ANKFN1: variants seen among roughly 807,000 people sequenced by gnomAD.
The protein encoded by ANKFN1 is ankyrin repeat and fibronectin type-III domain-containing protein 1.
ANKFN1 carries 74 observed loss-of-function variants against 108.7 expected under a neutral mutation model. That is an observed-to-expected ratio of 0.68 (90% CI 0.56 to 0.83). The LOEUF (loss-of-function observed/expected upper bound fraction) is 0.83. ANKFN1 is among the 40% of genes least tolerant of loss of function. The pLI is 0.00. For missense variants in ANKFN1, 1,505 were observed against 1,382.3 expected (o/e 1.09, Z -1.41); for synonymous variants, 547 against 516.2 (o/e 1.06, Z -0.81).
chr17:56,152,260 ATATGTGTGTGTG>A (rs1225949303), upstream of ANKFN1, among the ~76,000 whole-genome samples: 1,324 of 128,638 alleles, frequency 0.01, 9 homozygotes, highest in South Asian at 0.015. Flanking sequence ...ATATATATAT[ATATGTGTGTGTG>A]TGTGTGTGTG....
intron 3 of ANKFN1, among the ~76,000 whole-genome samples, chr17:56,301,519 T>G (rs576913961): frequency 6.6e-6 from 1 of 152,338 alleles, no homozygotes; most frequent in South Asian, 2.1e-4. Context: ...AGGCTTTCTC[T>G]GCCCCAGGGG....
chr17:56,144,147 G>A (rs1468151885), intron 4 of ANKFN1, among the ~76,000 whole-genome samples: 1 of 122,052 alleles, frequency 8.2e-6, no homozygotes, highest in African/African-American at 3.5e-5. Flanking sequence ...CACAAACAGA[G>A]GCGCATCTGA....
chr17:56,387,434 AT>A (rs1361477476), intron 8 of ANKFN1, among the ~76,000 whole-genome samples: 3 of 152,186 alleles, frequency 2.0e-5, no homozygotes, highest in African/African-American at 7.2e-5. Context: ...ATCACTTTAA[AT>A]TTCCAAGTGG....
chr17:56,122,485 G>C (rs1036645955), intron 4 of ANKFN1, among the ~76,000 whole-genome samples: 3 of 152,126 alleles, frequency 2.0e-5, no homozygotes, highest in Non-Finnish European at 4.4e-5. Flanking sequence ...TAGAAGCATA[G>C]TATGTATACA....
Position 56,511,091 on chromosome 17 carries a change from G to A in ANKFN1, c.3263G>A (p.Arg1088His), listed in dbSNP as rs1478690834. The A allele has an allele frequency of 6.5e-6, 10 of 1,535,972 alleles. No individual in the cohort carries two copies. Among genetic ancestry groups the A allele is most frequent in the Non-Finnish European group, 8.7e-6 (10 of 1,146,848 alleles). The stretch of plus-strand genomic sequence containing the variant: ...CTCCAGGACGCGAGGCCTTCCGTCC[G>A]CCGCCTCTACGTGGAGCCCTACGCA... ...SSLQDARPSVRRLYVEPYAAA... is the reference protein window; with the variant it reads ...SSLQDARPSVHRLYVEPYAAA... The change falls in exon 21 of 21, where the codon CGC becomes CAC. Residue 1088 changes from arginine to histidine, a missense_variant. Arg to His is a conservative substitution (Grantham distance 29). Coordinates refer to ENST00000682825, the MANE Select transcript of ANKFN1 (RefSeq NM_001370326.1).
chr17:56,055,574 T>TATATATATATATATATATACACACAC (rs1904858136), intron 4 of ANKFN1, among the ~76,000 whole-genome samples: 1 of 105,430 alleles, frequency 9.5e-6, no homozygotes, highest in African/African-American at 5.2e-5. Flanking sequence ...TACATATATA[T>TATATATATATATATATATACACACAC]ATATATATAT....
chr17:56,272,385 A>T (rs551571949), intron 3 of ANKFN1, among the ~76,000 whole-genome samples: 4 of 152,188 alleles, frequency 2.6e-5, no homozygotes, highest in Admixed American at 2.0e-4. Flanking sequence ...GGAATCTCAT[A>T]TAAGTGGAAT....
intron 3 of ANKFN1, among the ~76,000 whole-genome samples, chr17:56,289,677 T>C (rs2044308349): frequency 6.6e-6 from 1 of 152,224 alleles, no homozygotes; most frequent in African/African-American, 2.4e-5. Context: ...CCTCCTCCCT[T>C]CGGGATTGCT....
intron 1 of ANKFN1, among the ~76,000 whole-genome samples, chr17:56,170,807 T>TATATATACATAC (rs1361307404): frequency 3.3e-5 from 2 of 61,450 alleles, no homozygotes; most frequent in African/African-American, 7.0e-5. Context: ...TATATATATA[T>TATATATACATAC]ACACACACAC....
At chr17:56,359,715 C>A (rs1340920295) in intron 6 of ANKFN1, among the ~76,000 whole-genome samples, 2 of 152,086 alleles carry the variant, frequency 1.3e-5, no homozygotes, top group Non-Finnish European at 2.9e-5. Context: ...GTAAGGGGTT[C>A]GTGTTTGTGC....
chr17:56,321,318 C>T (rs944885823), intron 3 of ANKFN1, among the ~76,000 whole-genome samples: 4 of 151,790 alleles, frequency 2.6e-5, no homozygotes, highest in African/African-American at 9.7e-5. Flanking sequence ...GAATCGGAGC[C>T]GTTATTGAGC....
At chr17:56,118,923 T>C (rs774035536) in intron 4 of ANKFN1, among the ~76,000 whole-genome samples, 3 of 152,124 alleles carry the variant, frequency 2.0e-5, no homozygotes, top group Non-Finnish European at 4.4e-5. Context: ...TAACTTGATA[T>C]AGAAAGTGAT....
At chr17:56,194,047 G>C (rs1350945522) in intron 1 of ANKFN1, among the ~76,000 whole-genome samples, 2 of 152,156 alleles carry the variant, frequency 1.3e-5, no homozygotes, top group Admixed American at 6.6e-5. Context: ...TTTGTCACTA[G>C]GGAACGAAAA....
intron 20 of ANKFN1, among the ~76,000 whole-genome samples, chr17:56,501,011 T>C (rs1170589833): frequency 6.6e-6 from 1 of 152,062 alleles, no homozygotes; most frequent in Non-Finnish European, 1.5e-5. Context: ...TTCACTAGGA[T>C]GATGATCAGC....
chr17:56,054,778 C>G (rs1033435825), intron 4 of ANKFN1, among the ~76,000 whole-genome samples: 2 of 152,026 alleles, frequency 1.3e-5, no homozygotes, highest in Admixed American at 1.3e-4. Context: ...CCCGGCTACT[C>G]AGGAGGCTGA....
intron 12 of ANKFN1, 28 bp downstream of exon 12, chr17:56,456,988 A>G: frequency 6.3e-7 from 1 of 1,593,818 alleles, no homozygotes; most frequent in South Asian, 1.1e-5. Flanking sequence ...TTTTCAGGAA[A>G]TCTTAACTTT....
At chr17:56,250,931 C>G (rs1208802303) in intron 3 of ANKFN1, among the ~76,000 whole-genome samples, 1 of 152,152 alleles carries the variant, frequency 6.6e-6, no homozygotes, top group Non-Finnish European at 1.5e-5. Context: ...ACCACAGAGC[C>G]AGATATAATC....
chr17:56,142,493 A>G (rs1356915129), intron 4 of ANKFN1, among the ~76,000 whole-genome samples: 1 of 152,216 alleles, frequency 6.6e-6, no homozygotes, highest in African/African-American at 2.4e-5. Flanking sequence ...ACACTGGCCA[A>G]GAACTTTAAT....
intron 1 of ANKFN1, among the ~76,000 whole-genome samples, chr17:56,166,358 C>A (rs1283136879): frequency 6.6e-6 from 1 of 152,180 alleles, no homozygotes; most frequent in Non-Finnish European, 1.5e-5. Context: ...CCTTGGAATT[C>A]ATCATTAATT....
Sources: gnomAD v4.1 joint callset for allele counts (sites outside exome capture counted in the v4.1 genomes callset) on GRCh38, gnomAD v4.1.1 for gene constraint, MANE v1.5 for transcripts, NCBI Gene and HGNC (gene_info 2026-07-23, HGNC 2026-07-21) for gene names.